PXDN: variants seen among roughly 807,000 people sequenced by gnomAD.
PXDN encodes peroxidasin homolog.
Under a neutral mutation model 140.3 loss-of-function variants are expected in PXDN, and 77 were observed. The ratio of observed to expected loss-of-function variants is 0.55; its 90% CI spans 0.46 to 0.66. The LOEUF is 0.66. Ranked by LOEUF, PXDN falls within the 30% of genes least tolerant of loss-of-function variation. The pLI is 0.00. For synonymous variants in PXDN, 911 were observed against 857.4 expected (o/e 1.06, Z -1.09); for missense variants, 1,838 against 2,039.5 (o/e 0.90, Z 1.90).
Position 1,676,989 on chromosome 2 carries a change from G to C in PXDN, c.786C>G (p.Thr262=). 1.2e-6 allele frequency: 2 copies of C among 1,613,002 alleles called. No individual in the cohort carries two copies. The highest frequency in any genetic ancestry group is 1.7e-6 in the Non-Finnish European group (2 of 1,179,568). ...CTTCGGCTCTGCAGGTGAAGTACAC[G>C]GTGTTCCCCGAGGTCACATCTGCGT... is the stretch of plus-strand genomic sequence containing the variant. ...PQDADVTSGN[T]VYFTCRAEGN... is the part of the protein sequence containing the mutation. The change falls in exon 8 of 23, where the codon ACC becomes ACG. Residue 262 remains threonine, a synonymous_variant. Coordinates refer to ENST00000252804, the MANE Select transcript of PXDN (RefSeq NM_012293.3).
rs1479628773 is a variant in PXDN at position 1,651,169 on chromosome 2, G to A, written c.2105-1494C>T. Among the ~76,000 whole-genome samples, 2 of 152,152 alleles carry A rather than the reference G, an allele frequency of 1.3e-5. No individual in the cohort carries two copies. The highest frequency in any genetic ancestry group is 4.8e-5 in the African/African-American group (2 of 41,454). ...ACAGCTACTCTTGGGAAGTCCTACA[G>A]AATTATCAATCTTGAACATCCATAG... On this transcript the variant is annotated intron_variant, in intron 16 of 22. Coordinates refer to ENST00000252804, the MANE Select transcript of PXDN (RefSeq NM_012293.3). This position sits in a 1 kb window ranked among gnomAD's most constrained non-coding sequence, Gnocchi z 4.4.
At chr2:1,693,226 T>G in intron 1 of PXDN, 92 bp from the exon 2 acceptor site, 2 of 1,078,116 alleles carry the variant, frequency 1.9e-6, no homozygotes, top group South Asian at 1.5e-5. Context: ...ATGGTGACAA[T>G]GCATTTAAAA....
At chr2:1,669,016 C>T (rs1012922490) in intron 9 of PXDN, among the ~76,000 whole-genome samples, 4 of 152,128 alleles carry the variant, frequency 2.6e-5, no homozygotes, top group African/African-American at 9.7e-5. Flanking sequence ...TTTATTGCAG[C>T]ACTACTCACA....
upstream of PXDN, chr2:1,744,539 C>G (rs1281416126): frequency 8.7e-7 from 1 of 1,152,058 alleles, no homozygotes; most frequent in Non-Finnish European, 1.1e-6. Flanking sequence ...CGGCCCACGT[C>G]CCAGCTGTGC....
rs981887191 is a variant in PXDN, at chr2:1,649,782, C to T, written c.2105-107G>A. On this transcript the variant is annotated intron_variant, in intron 16 of 22. Transcript: ENST00000252804. The surrounding 1 kb of genome is among the most constrained non-coding windows in gnomAD (Gnocchi z 7.1). ...CTGACATGGGGCTATCTACCCCCAG[C>T]TCATGAAACCTGTTGTGCGCCATGC... The T allele has an allele frequency of 7.8e-7, 1 of 1,275,556 alleles. No homozygotes were observed. The highest frequency in any genetic ancestry group is 1.1e-6 in the Non-Finnish European group (1 of 894,150). 79.0% of individuals were successfully genotyped at this position (1,275,556 alleles called of 1,614,324 possible).
intron 1 of PXDN, among the ~76,000 whole-genome samples, chr2:1,732,387 C>G (rs146952604): frequency 2.6e-5 from 4 of 152,240 alleles, no homozygotes; most frequent in African/African-American, 9.6e-5. Context: ...AAAAGAGCCA[C>G]CCAAATGGAG....
chr2:1,707,583 C>A (rs1490318745), intron 1 of PXDN, among the ~76,000 whole-genome samples: 1 of 152,204 alleles, frequency 6.6e-6, no homozygotes, highest in Non-Finnish European at 1.5e-5. Flanking sequence ...TTTTTGGAAG[C>A]ACGAGGTTGC....
At chr2:1,664,132 C>T (rs1683375557) in intron 11 of PXDN, 1 of 203,760 alleles carries the variant, frequency 4.9e-6, no homozygotes, top group East Asian at 1.2e-4. Context: ...CAGCAAGTTC[C>T]TTTCCGGGAT....
At chr2:1,658,044 CTCTCTCTCTCTCTCTCTCTCT>C (rs1683195751) in intron 14 of PXDN, among the ~76,000 whole-genome samples, 1 of 111,070 alleles carries the variant, frequency 9.0e-6, no homozygotes, top group Non-Finnish European at 1.8e-5. Context: ...CTCTCTCTCT[CTCTCTCTCTCTCTCTCTCTCT>C]CTCTCTCTCT....
intron 1 of PXDN, among the ~76,000 whole-genome samples, chr2:1,705,691 C>T (rs1455552079): frequency 2.1e-5 from 3 of 145,482 alleles, no homozygotes; most frequent in South Asian, 4.4e-4. Context: ...TGCAGCTCCC[C>T]GTGACCTGGG....
chr2:1,683,448 CA>C, intron 6 of PXDN, among the ~76,000 whole-genome samples: 1 of 152,050 alleles, frequency 6.6e-6, no homozygotes, highest in South Asian at 2.1e-4. Context: ...AATTGCCTAT[CA>C]AAGGATTAAC....
chr2:1,648,842 C>G lies in PXDN; in HGVS notation c.2938G>C (p.Glu980Gln). 1 of 1,600,966 alleles carries G rather than the reference C, an allele frequency of 6.2e-7. No homozygotes were observed. The change falls in exon 17 of 23, where the codon GAG (glutamate) becomes CAG (glutamine). Residue 980 changes from glutamate (E) to glutamine (Q), a missense_variant. Physicochemically the swap from Glu to Gln is conservative, Grantham distance 29 (BLOSUM62 2). This residue lies in a region of PXDN where 850 missense variants were observed against 894.1 expected (regional missense o/e 0.95). Coordinates refer to ENST00000252804, the MANE Select transcript of PXDN (RefSeq NM_012293.3). The surrounding 1 kb of genome is among the most constrained non-coding windows in gnomAD (Gnocchi z 8.9). ...TGCATGCTGGTCAGGCCCAGCTGCT[C>G]GTTGGCGCGGTGGTCCCCGGCCAGG... ...CFLAGDHRAN[E>Q]QLGLTSMHTL...
intron 14 of PXDN, among the ~76,000 whole-genome samples, chr2:1,658,052 CTCTCT>C (rs1683196845): frequency 7.8e-6 from 1 of 127,852 alleles, no homozygotes; most frequent in Non-Finnish European, 1.6e-5. Context: ...CTCTCTCTCT[CTCTCT>C]CTCTCTCTCT....
intron 1 of PXDN, 102 bp downstream of exon 1, chr2:1,744,154 C>T (rs969771979): frequency 1.2e-5 from 13 of 1,116,506 alleles, no homozygotes; most frequent in African/African-American, 1.7e-5. Flanking sequence ...GCGCCCGATG[C>T]CCCCTCCACC....
chr2:1,649,147 A>T lies in PXDN; in HGVS notation c.2633T>A (p.Phe878Tyr), dbSNP rs763187406. The T allele has an allele frequency of 6.3e-7, 1 of 1,584,196 alleles. No homozygotes were observed. The highest frequency in any genetic ancestry group is 1.1e-5 in the South Asian group (1 of 90,584). The change falls in exon 17 of 23, where the codon TTC becomes TAC. Residue 878 changes from phenylalanine (F) to tyrosine (Y), a missense_variant. By Grantham distance (22) the Phe-to-Tyr change is conservative. Transcript: ENST00000252804. The surrounding 1 kb of genome is among the most constrained non-coding windows in gnomAD (Gnocchi z 7.1). ...GCCGCACACAGGGCTGGAGCGCACG[A>T]AGAACATGCAGCGGGCCCCGCTCCT... ...RARSGARCMF[F>Y]VRSSPVCGSG...
chr2:1,720,705 CTT>C, intron 1 of PXDN, among the ~76,000 whole-genome samples: 1 of 71,200 alleles, frequency 1.4e-5, no homozygotes, highest in African/African-American at 4.8e-5. Flanking sequence ...CTCTGCATCT[CTT>C]TCTCTCTCTC....
At chr2:1,705,000 C>A (rs954050254) in intron 1 of PXDN, among the ~76,000 whole-genome samples, 2 of 152,112 alleles carry the variant, frequency 1.3e-5, no homozygotes. Context: ...AGAGGATGCA[C>A]ACACGAGCTA....
At position 1,658,050 on chromosome 2, in the gene PXDN, CT is replaced by C. The variant is rs1220426750; in HGVS notation, c.1837+2830del. ...GGGCTCTCTCTCTCTCTCTCTCTCT[CT>C]CTCTCTCTCTCTCTCTCTCTCTCTC... On this transcript the variant is annotated intron_variant, in intron 14 of 22. Coordinates refer to ENST00000252804, the MANE Select transcript of PXDN (RefSeq NM_012293.3). 4.6e-4 allele frequency among the ~76,000 whole-genome samples: 57 copies of C among 124,900 alleles called. 1 individual carries two copies. The highest frequency in any genetic ancestry group is 1.8e-3 in the Admixed American group (23 of 12,552). 81.9% of individuals were successfully genotyped at this position (124,900 alleles called of 152,430 possible).
intron 19 of PXDN, among the ~76,000 whole-genome samples, chr2:1,643,021 G>A (rs1251073837): frequency 2.0e-5 from 3 of 152,092 alleles, no homozygotes; most frequent in African/African-American, 4.8e-5. Flanking sequence ...TTTGATTTTC[G>A]TCTTTTATCT....
Sources: allele counts gnomAD v4.1 joint callset (sites outside exome capture counted in the v4.1 genomes callset), GRCh38; gene constraint gnomAD v4.1.1; regional missense constraint gnomAD v4.1.1; non-coding constraint Gnocchi (gnomAD v3.1); transcripts MANE v1.5; gene names NCBI Gene and HGNC (gene_info 2026-07-23, HGNC 2026-07-21).